PPP1R2: variants seen among roughly 807,000 people sequenced by gnomAD.
The protein encoded by PPP1R2 is protein phosphatase 1 regulatory inhibitor subunit 2.
In PPP1R2, 16 loss-of-function variants were observed where a neutral mutation model predicts 29.9. The observed-to-expected ratio is 0.53, with a 90% confidence interval of 0.36 to 0.81. The LOEUF is 0.81. Ranked by LOEUF, PPP1R2 falls within the 30% of genes least tolerant of loss-of-function variation. PPP1R2 has a pLI of 0.00. For synonymous variants in PPP1R2, 76 were observed against 91.5 expected (o/e 0.83, Z 0.96); for missense variants, 197 against 252.7 (o/e 0.78, Z 1.49).
At chr3:195,518,154 G>A (rs1718616302) in intron 5 of PPP1R2, among the ~76,000 whole-genome samples, 1 of 151,954 alleles carries the variant, frequency 6.6e-6, no homozygotes, top group Non-Finnish European at 1.5e-5. Context: ...CAGAGTAACA[G>A]TTCATAAAAA....
intron 1 of PPP1R2, among the ~76,000 whole-genome samples, chr3:195,540,129 T>C (rs1431030584): frequency 6.6e-6 from 1 of 152,200 alleles, no homozygotes; most frequent in Non-Finnish European, 1.5e-5. Flanking sequence ...CTAAAATGTG[T>C]AATCCCAAAA....
At chr3:195,519,848 T>C (rs1343331715) in intron 4 of PPP1R2, among the ~76,000 whole-genome samples, 3 of 151,332 alleles carry the variant, frequency 2.0e-5, no homozygotes, top group African/African-American at 7.3e-5. Flanking sequence ...GCAACACAAC[T>C]GATCACACTA....
At chr3:195,528,347 T>C (rs758374287) in intron 2 of PPP1R2, among the ~76,000 whole-genome samples, 29 of 152,242 alleles carry the variant, frequency 1.9e-4, no homozygotes, top group East Asian at 1.9e-4. Flanking sequence ...TACATACATA[T>C]ATACCACAAA....
intron 1 of PPP1R2, among the ~76,000 whole-genome samples, chr3:195,532,489 A>G (rs1719222718): frequency 6.6e-6 from 1 of 152,086 alleles, no homozygotes; most frequent in African/African-American, 2.4e-5. Context: ...AACAATACCG[A>G]TGTCTTCAGA....
intron 2 of PPP1R2, among the ~76,000 whole-genome samples, chr3:195,525,705 A>C (rs947827550): frequency 2.6e-5 from 4 of 152,126 alleles, no homozygotes; most frequent in Non-Finnish European, 4.4e-5. Context: ...TCTAATGAAA[A>C]ATTTGCTCCC....
In PPP1R2 at chr3:195,516,420, T is replaced by G. The variant is rs1425106407; in HGVS notation, c.*476A>C. ...TTTTCAATTAAACAGACAAATCAAG[T>G]TGAAGACAAGTGTTAAAATACTATT... is the stretch of plus-strand genomic sequence containing the variant. On this transcript the variant is annotated 3_prime_UTR_variant, in exon 6 of 6. Transcript: ENST00000618156. 6.5e-6 allele frequency: 1 copy of G among 152,994 alleles called. No homozygotes were observed. Among genetic ancestry groups the G allele is most frequent in the Non-Finnish European group, 1.5e-5 (1 of 68,268 alleles). 9.5% of individuals were successfully genotyped at this position (152,994 alleles called of 1,614,324 possible).
chr3:195,527,881 T>C, intron 2 of PPP1R2: 1 of 378,612 alleles, frequency 2.6e-6, no homozygotes. Context: ...TTTTTTTTTT[T>C]TAAGATTTTT....
rs564764216 is a variant in PPP1R2 at position 195,521,134 on chromosome 3, T to C, written c.404-1949A>G. On this transcript the variant is annotated intron_variant, in intron 4 of 5. Coordinates refer to ENST00000618156, the MANE Select transcript of PPP1R2 (RefSeq NM_006241.8). ...TTTGAGAACATCCTGGCTAACATGG[T>C]GAAACCCCGTCTCTACTGAAAATAC... Among the ~76,000 whole-genome samples, 12 of 150,352 alleles carry C rather than the reference T, an allele frequency of 8.0e-5. 1 individual carries two copies. Among genetic ancestry groups the C allele is most frequent in the Middle Eastern group, 3.4e-3 (1 of 294 alleles).
intron 1 of PPP1R2, among the ~76,000 whole-genome samples, chr3:195,538,530 T>G (rs1402735435): frequency 6.6e-6 from 1 of 152,224 alleles, no homozygotes; most frequent in Non-Finnish European, 1.5e-5. Flanking sequence ...AACAAATTTT[T>G]ATTTTACTCA....
chr3:195,527,811 T>A (rs1273066112), intron 2 of PPP1R2: 1 of 288,406 alleles, frequency 3.5e-6, no homozygotes, highest in Non-Finnish European at 6.7e-6. Flanking sequence ...GGCTGTAGTG[T>A]GCTATAACTG....
intron 1 of PPP1R2, among the ~76,000 whole-genome samples, chr3:195,534,358 T>C (rs1307262432): frequency 6.6e-6 from 1 of 152,042 alleles, no homozygotes; most frequent in South Asian, 2.1e-4. Context: ...AGAAAGGACA[T>C]CTGATCTGCC....
At chr3:195,516,987 T>C in intron 5 of PPP1R2, 45 bp from the exon 6 acceptor site, 1 of 1,530,458 alleles carries the variant, frequency 6.5e-7, no homozygotes, top group Non-Finnish European at 9.0e-7. Context: ...TTATATGTTG[T>C]CAACCCTGGC....
chr3:195,536,444 A>T (rs531378408), intron 1 of PPP1R2, among the ~76,000 whole-genome samples: 6 of 152,300 alleles, frequency 3.9e-5, no homozygotes, highest in Admixed American at 3.9e-4. Flanking sequence ...AAAATATTTT[A>T]AAAATAAACA....
chr3:195,531,978 G>A (rs185084349), intron 1 of PPP1R2, among the ~76,000 whole-genome samples: 40 of 152,250 alleles, frequency 2.6e-4, no homozygotes, highest in Admixed American at 2.4e-3. Context: ...TGTGACTGGC[G>A]TATCTCACTA....
chr3:195,522,258 T>C (rs988327413), intron 4 of PPP1R2, among the ~76,000 whole-genome samples: 1 of 151,866 alleles, frequency 6.6e-6, no homozygotes, highest in Admixed American at 6.6e-5. Flanking sequence ...AGCACAAACT[T>C]AGGTTTGTCT....
chr3:195,524,370 A>G (rs1469041501), intron 3 of PPP1R2, among the ~76,000 whole-genome samples: 7 of 152,168 alleles, frequency 4.6e-5, no homozygotes, highest in Non-Finnish European at 8.8e-5. Flanking sequence ...AAAAATACAA[A>G]AATTAGCCAG....
At chr3:195,540,794 C>T (rs1027370757) in intron 1 of PPP1R2, among the ~76,000 whole-genome samples, 11 of 152,178 alleles carry the variant, frequency 7.2e-5, no homozygotes, top group African/African-American at 2.7e-4. Context: ...ACCAGATGCA[C>T]CCTTAAGACC....
At chr3:195,540,984 C>T (rs1719572962) in intron 1 of PPP1R2, among the ~76,000 whole-genome samples, 1 of 152,162 alleles carries the variant, frequency 6.6e-6, no homozygotes, top group Non-Finnish European at 1.5e-5. Context: ...ATCCTTTTTA[C>T]CACTTGGAAC....
chr3:195,525,718 C>A (rs1259222365), intron 2 of PPP1R2, among the ~76,000 whole-genome samples: 2 of 152,146 alleles, frequency 1.3e-5, no homozygotes, highest in African/African-American at 4.8e-5. Flanking sequence ...TTGCTCCCCA[C>A]TTCAATGCAA....
Sources: gnomAD v4.1 joint callset for allele counts (sites outside exome capture counted in the v4.1 genomes callset) on GRCh38, gnomAD v4.1.1 for gene constraint, MANE v1.5 for transcripts, NCBI Gene and HGNC (gene_info 2026-07-23, HGNC 2026-07-21) for gene names.